The following NR5A2 variants were observed in gnomAD, a reference collection of about 807,000 sequenced individuals.
NR5A2 encodes CYP7A promoter-binding factor.
NR5A2 carries 26 observed loss-of-function variants against 62.7 expected under a neutral mutation model. That is an observed-to-expected ratio of 0.41 (90% CI 0.30 to 0.58). NR5A2 has a LOEUF of 0.58. Ranked by LOEUF, NR5A2 falls within the 20% of genes least tolerant of loss-of-function variation. NR5A2 has a pLI of 0.22. For missense variants in NR5A2, 541 were observed against 669.1 expected (o/e 0.81, Z 2.11); for synonymous variants, 246 against 241.7 (o/e 1.02, Z -0.16).
chr1:200,097,609 T>C (rs1468098205), intron 5 of NR5A2, among the ~76,000 whole-genome samples: 4 of 152,328 alleles, frequency 2.6e-5, no homozygotes, highest in East Asian at 1.9e-4. Flanking sequence ...ATAAACCCAA[T>C]AGTTGTAGAG....
intron 5 of NR5A2, among the ~76,000 whole-genome samples, chr1:200,072,726 GCA>G (rs1663795181): frequency 6.6e-6 from 1 of 152,160 alleles, no homozygotes; most frequent in Non-Finnish European, 1.5e-5. Context: ...AATAAAGTGT[GCA>G]CAGAGTCATG....
At chr1:200,066,206 T>G (rs1040606446) in intron 5 of NR5A2, among the ~76,000 whole-genome samples, 8 of 151,830 alleles carry the variant, frequency 5.3e-5, no homozygotes, top group Non-Finnish European at 1.0e-4. Flanking sequence ...AGAATGGAGA[T>G]GGGGGAGAAG....
At chr1:200,070,261 C>T (rs1285975009) in intron 5 of NR5A2, among the ~76,000 whole-genome samples, 1 of 152,036 alleles carries the variant, frequency 6.6e-6, no homozygotes, top group South Asian at 2.1e-4. Context: ...CTTCGGCTTT[C>T]TCGGTCTTTT....
intron 7 of NR5A2, among the ~76,000 whole-genome samples, chr1:200,137,581 C>T (rs772628789): frequency 2.6e-5 from 4 of 152,056 alleles, no homozygotes; most frequent in Non-Finnish European, 5.9e-5. Flanking sequence ...GATTATTAGC[C>T]TAGATTATTA....
At chr1:200,129,279 A>C (rs554126720) in intron 7 of NR5A2, among the ~76,000 whole-genome samples, 2 of 152,244 alleles carry the variant, frequency 1.3e-5, no homozygotes, top group Admixed American at 6.5e-5. Context: ...CACACACTTC[A>C]TTTGAAAATG....
chr1:200,101,129 G>A (rs1423039596), intron 5 of NR5A2, among the ~76,000 whole-genome samples: 3 of 152,082 alleles, frequency 2.0e-5, no homozygotes, highest in African/African-American at 7.2e-5. Flanking sequence ...GATATTTACT[G>A]TTGAATTATT....
At chr1:200,156,868 T>G (rs1300582790) in intron 7 of NR5A2, among the ~76,000 whole-genome samples, 1 of 152,106 alleles carries the variant, frequency 6.6e-6, no homozygotes, top group East Asian at 1.9e-4. Flanking sequence ...GAAGGTTAGG[T>G]GTAGTAAATG....
At chr1:200,043,494 AG>A (rs1662215957) in intron 2 of NR5A2, among the ~76,000 whole-genome samples, 1 of 152,190 alleles carries the variant, frequency 6.6e-6, no homozygotes, top group African/African-American at 2.4e-5. Context: ...TGCTTTGTGG[AG>A]TTATGAGACT....
chr1:200,101,627 G>C (rs1007757781), intron 5 of NR5A2, among the ~76,000 whole-genome samples: 1 of 152,156 alleles, frequency 6.6e-6, no homozygotes, highest in Non-Finnish European at 1.5e-5. Flanking sequence ...AATGGAATGT[G>C]ATTGATTCCA....
chr1:200,108,556 C>A (rs1665800051), intron 5 of NR5A2, among the ~76,000 whole-genome samples: 1 of 152,086 alleles, frequency 6.6e-6, no homozygotes, highest in Admixed American at 6.5e-5. Context: ...ATTCTACAGT[C>A]CCCCACCCAC....
intron 7 of NR5A2, among the ~76,000 whole-genome samples, chr1:200,158,607 C>CT (rs1447123010): frequency 2.0e-5 from 3 of 152,066 alleles, no homozygotes; most frequent in Non-Finnish European, 4.4e-5. Context: ...GGAAGGCATT[C>CT]TTTTTTGAGA....
intron 7 of NR5A2, among the ~76,000 whole-genome samples, chr1:200,166,921 T>C (rs1431850056): frequency 2.0e-5 from 3 of 152,208 alleles, no homozygotes. Flanking sequence ...TAAATGTTAT[T>C]TCCTCCCTCA....
Position 200,132,605 on chromosome 1 carries a change from T to C in NR5A2, c.1378+11650T>C, listed in dbSNP as rs185704132. On this transcript the variant is annotated intron_variant, in intron 7 of 7. Transcript: ENST00000367362. ...AATCTCACAGCAATCAGAGGCTTCA[T>C]GCCTCTTCAGTTTCCCAACTCCTCT... Among the ~76,000 whole-genome samples the C allele has an allele frequency of 8.5e-5, 13 of 152,336 alleles. No homozygotes were observed. In the East Asian group the frequency reaches 2.5e-3, roughly 29 times the overall value.
Position 200,050,429 on chromosome 1 carries a change from A to T in NR5A2, c.1110+1611A>T, listed in dbSNP as rs12090935. ...GATTCTCTGAGCCTTGGTTTTTCTCATGTGTAACTTGTATATGTGGTGTTT... is the reference window on the plus strand; with the variant it reads ...GATTCTCTGAGCCTTGGTTTTTCTCTTGTGTAACTTGTATATGTGGTGTTT... On this transcript the variant is annotated intron_variant, in intron 5 of 7. Coordinates refer to ENST00000367362, the MANE Select transcript of NR5A2 (RefSeq NM_205860.3). Among the ~76,000 whole-genome samples, 754 of 152,302 alleles carry T rather than the reference A, an allele frequency of 5.0e-3. 8 individuals are homozygous for T. Among genetic ancestry groups the T allele is most frequent in the African/African-American group, 0.017 (713 of 41,562 alleles).
intron 7 of NR5A2, among the ~76,000 whole-genome samples, chr1:200,149,664 C>T (rs562171007): frequency 6.6e-6 from 1 of 152,254 alleles, no homozygotes; most frequent in South Asian, 2.1e-4. Context: ...GGTAATAGCA[C>T]ACACTCAGAA....
chr1:200,112,101 C>T (rs972223608), intron 6 of NR5A2, among the ~76,000 whole-genome samples: 9 of 151,076 alleles, frequency 6.0e-5, no homozygotes, highest in African/African-American at 2.2e-4. Flanking sequence ...AAGGAAAGAA[C>T]CAATGAAAAG....
intron 7 of NR5A2, among the ~76,000 whole-genome samples, chr1:200,159,762 A>G (rs969768319): frequency 2.6e-4 from 40 of 151,796 alleles, no homozygotes; most frequent in Non-Finnish European, 1.5e-4. Context: ...AGTGATTCTC[A>G]TGCCCTAGCC....
At chr1:200,091,569 C>G (rs905961179) in intron 5 of NR5A2, among the ~76,000 whole-genome samples, 1 of 150,692 alleles carries the variant, frequency 6.6e-6, no homozygotes, top group African/African-American at 2.4e-5. Flanking sequence ...ACTGCAACCT[C>G]TACCTCCCAG....
At chr1:200,113,764 T>C (rs1666073028) in intron 6 of NR5A2, among the ~76,000 whole-genome samples, 1 of 152,178 alleles carries the variant, frequency 6.6e-6, no homozygotes, top group African/African-American at 2.4e-5. Context: ...AGATTTTTGC[T>C]ACAACAACAT....
Sources: gnomAD v4.1 joint callset for allele counts (sites outside exome capture counted in the v4.1 genomes callset) on GRCh38, gnomAD v4.1.1 for gene constraint, MANE v1.5 for transcripts, NCBI Gene and HGNC (gene_info 2026-07-23, HGNC 2026-07-21) for gene names.